The following FXYD6 variants were observed in gnomAD, a reference collection of about 807,000 sequenced individuals.
FXYD6 encodes FXYD domain-containing ion transport regulator 6.
In FXYD6, 7 loss-of-function variants were observed where a neutral mutation model predicts 16.7. The ratio of observed to expected loss-of-function variants is 0.42; its 90% CI spans 0.24 to 0.79. The LOEUF (loss-of-function observed/expected upper bound fraction) is 0.79, where lower values mean the gene tolerates loss of function less well. FXYD6 is among the 30% of genes least tolerant of loss of function. The probability of loss-of-function intolerance (pLI) is 0.28; values close to 1 mark genes in which losing one functional copy is unlikely to be tolerated. For missense variants in FXYD6, 111 were observed against 116.2 expected (o/e 0.95, Z 0.21); for synonymous variants, 49 against 43.0 (o/e 1.14, Z -0.54).
chr11:117,842,660 C>CAG, intron 2 of FXYD6, 59 bp downstream of exon 2: 1 of 1,530,444 alleles, frequency 6.5e-7, no homozygotes, highest in South Asian at 1.2e-5. Context: ...AACCTTCCAG[C>CAG]AGAGAGGGCT....
At chr11:117,839,386 T>C in intron 7 of FXYD6, 1 of 228,392 alleles carries the variant, frequency 4.4e-6, no homozygotes, top group Non-Finnish European at 8.6e-6. Flanking sequence ...AGTTTCATAA[T>C]AAGGTGTTTA....
chr11:117,862,262 T>C (rs1591584000), intron 1 of FXYD6, among the ~76,000 whole-genome samples: 1 of 152,116 alleles, frequency 6.6e-6, no homozygotes, highest in Non-Finnish European at 1.5e-5. Flanking sequence ...GAGAAGAGAA[T>C]TGGCTTTAGA....
intron 1 of FXYD6, among the ~76,000 whole-genome samples, chr11:117,845,092 G>C (rs1339040185): frequency 2.6e-5 from 4 of 152,066 alleles, no homozygotes; most frequent in Non-Finnish European, 5.9e-5. Context: ...CACCAATCTC[G>C]GGTTCCAAGA....
chr11:117,852,905 C>T (rs1335079807), intron 1 of FXYD6, among the ~76,000 whole-genome samples: 1 of 152,134 alleles, frequency 6.6e-6, no homozygotes, highest in East Asian at 1.9e-4. Context: ...TTATTTGCTG[C>T]TTAACCCACT....
At chr11:117,853,620 T>A (rs1288556669) in intron 1 of FXYD6, among the ~76,000 whole-genome samples, 2 of 152,174 alleles carry the variant, frequency 1.3e-5, no homozygotes, top group Admixed American at 1.3e-4. Flanking sequence ...GCCTCCCTAG[T>A]AGCTGGAACT....
At chr11:117,876,511 C>A (rs892654023) in intron 1 of FXYD6, 81 bp downstream of exon 1, 2 of 152,460 alleles carry the variant, frequency 1.3e-5, no homozygotes, top group African/African-American at 2.4e-5. Context: ...GCGCTCCCGG[C>A]GCTCCAGAGA....
chr11:117,862,569 G>T (rs1452194045), intron 1 of FXYD6, among the ~76,000 whole-genome samples: 1 of 152,138 alleles, frequency 6.6e-6, no homozygotes, highest in African/African-American at 2.4e-5. Flanking sequence ...ATCCCAGACC[G>T]AGGCCCAGCC....
intron 1 of FXYD6, among the ~76,000 whole-genome samples, chr11:117,859,114 CG>C (rs376347777): frequency 0.21 from 31,936 of 151,934 alleles, 4,164 homozygotes; most frequent in Admixed American, 0.33. Context: ...GGAGGCTGCT[CG>C]AAAGTCCATT....
intron 1 of FXYD6, among the ~76,000 whole-genome samples, chr11:117,853,149 A>G (rs568480184): frequency 1.3e-5 from 2 of 152,338 alleles, no homozygotes; most frequent in South Asian, 4.1e-4. Context: ...TTTCAATCAC[A>G]GTGACTTGTT....
At chr11:117,839,468 T>C (rs978040517) in intron 7 of FXYD6, 38 of 405,842 alleles carry the variant, frequency 9.4e-5, no homozygotes, top group Non-Finnish European at 1.5e-4. Flanking sequence ...ACTTTGAGAT[T>C]AGGAGCATTT....
intron 1 of FXYD6, among the ~76,000 whole-genome samples, chr11:117,851,890 T>TGTGGCAAAA (rs1178032128): frequency 2.0e-5 from 3 of 152,220 alleles, no homozygotes; most frequent in Non-Finnish European, 4.4e-5. Flanking sequence ...ACCAACAGAA[T>TGTGGCAAAA]GTGGCAAAAG....
chr11:117,839,574 C>T, intron 7 of FXYD6: 2 of 547,842 alleles, frequency 3.7e-6, no homozygotes, highest in Non-Finnish European at 6.4e-6. Flanking sequence ...TGTTGGCATG[C>T]ATGTGTGTGG....
chr11:117,841,075 G>C, intron 5 of FXYD6, 73 bp downstream of exon 5: 1 of 1,583,444 alleles, frequency 6.3e-7, no homozygotes, highest in Non-Finnish European at 8.6e-7. Context: ...CCCATTTGGG[G>C]GTCACACACC....
At chr11:117,849,729 TGAAGCTGAAGGCCGTG>T (rs1260321159) in intron 1 of FXYD6, among the ~76,000 whole-genome samples, 1 of 152,138 alleles carries the variant, frequency 6.6e-6, no homozygotes, top group African/African-American at 2.4e-5. Flanking sequence ...CCTTTTTCCA[TGAAGCTGAAGGCCGTG>T]GTAGCTGAAG....
At chr11:117,862,264 G>A (rs1320425450) in intron 1 of FXYD6, among the ~76,000 whole-genome samples, 1 of 152,194 alleles carries the variant, frequency 6.6e-6, no homozygotes, top group East Asian at 1.9e-4. Flanking sequence ...GAAGAGAATT[G>A]GCTTTAGAGG....
At chr11:117,857,462 T>G (rs1475811365) in intron 1 of FXYD6, among the ~76,000 whole-genome samples, 2 of 144,892 alleles carry the variant, frequency 1.4e-5, no homozygotes, top group Non-Finnish European at 3.0e-5. Flanking sequence ...CAGGCTGGAG[T>G]GCAGTGGCGC....
At chr11:117,840,924 T>C (rs977684383) in intron 5 of FXYD6, among the ~76,000 whole-genome samples, 1 of 152,040 alleles carries the variant, frequency 6.6e-6, no homozygotes, top group Non-Finnish European at 1.5e-5. Context: ...GTCCCCCACA[T>C]AGATCAGAAG....
intron 1 of FXYD6, among the ~76,000 whole-genome samples, chr11:117,858,032 G>A (rs1183243906): frequency 2.0e-5 from 3 of 152,178 alleles, no homozygotes; most frequent in Non-Finnish European, 2.9e-5. Flanking sequence ...GCCTCATAAT[G>A]CTTTCAGACA....
chr11:117,846,300 T>C (rs938695446), intron 1 of FXYD6, among the ~76,000 whole-genome samples: 2 of 152,252 alleles, frequency 1.3e-5, no homozygotes, highest in Non-Finnish European at 2.9e-5. Flanking sequence ...TAATTTCTTA[T>C]TCTGAATACT....
Sources: gnomAD v4.1 joint callset for allele counts (sites outside exome capture counted in the v4.1 genomes callset) on GRCh38, gnomAD v4.1.1 for gene constraint, MANE v1.5 for transcripts, NCBI Gene and HGNC (gene_info 2026-07-23, HGNC 2026-07-21) for gene names.